Variants in MGAT4C observed in about 807,000 individuals in gnomAD.
MGAT4C encodes the protein alpha-1,3-mannosyl-glycoprotein 4-beta-N-acetylglucosaminyltransferase C.
A neutral mutation model predicts 40.1 loss-of-function variants in MGAT4C; 19 were observed. That is an observed-to-expected ratio of 0.47 (90% CI 0.33 to 0.70). MGAT4C has a LOEUF of 0.70. Ranked by LOEUF, MGAT4C falls within the 30% of genes least tolerant of loss-of-function variation. The pLI is 0.02. For synonymous variants in MGAT4C, 181 were observed against 187.1 expected, an observed-to-expected ratio of 0.97 and a Z score of 0.27; for missense variants, 491 against 563.2, an observed-to-expected ratio of 0.87 and a Z score of 1.30.
chr12:86,476,110 A>C (rs970923037), intron 2 of MGAT4C, among the ~76,000 whole-genome samples: 2 of 152,148 alleles, frequency 1.3e-5, no homozygotes, highest in Non-Finnish European at 2.9e-5. Flanking sequence ...TCAAATTTTC[A>C]GTATAAAATA....
rs1679434046 is a variant in MGAT4C, at chr12:85,960,642, G to T, written c.*18647C>A. The stretch of plus-strand genomic sequence containing the variant: ...GAATGGGTTGCATTATCCTCTCCTT[G>T]GAAATATCTTTCAAAGTGGGTAATG... On this transcript the variant is annotated 3_prime_UTR_variant, in exon 5 of 5. Transcript: ENST00000611864. The T allele has an allele frequency of 6.6e-6, 1 of 151,768 alleles. No homozygotes were observed. Among genetic ancestry groups the T allele is most frequent in the South Asian group, 2.1e-4 (1 of 4,816 alleles). The allele number at this position is 151,768 out of a possible 1,614,324, so 9.4% of individuals were successfully genotyped here.
intron 2 of MGAT4C, among the ~76,000 whole-genome samples, chr12:86,497,397 A>T (rs1034712455): frequency 6.6e-6 from 1 of 151,970 alleles, no homozygotes; most frequent in Non-Finnish European, 1.5e-5. Context: ...ATTTTACAGC[A>T]TAGTACTTGA....
intron 1 of MGAT4C, among the ~76,000 whole-genome samples, chr12:86,157,471 T>A (rs1885091017): frequency 6.6e-6 from 1 of 152,204 alleles, no homozygotes; most frequent in Non-Finnish European, 1.5e-5. Flanking sequence ...TTCACCACAT[T>A]TTTAATATGC....
At chr12:86,398,465 T>C (rs1565732229) in intron 3 of MGAT4C, among the ~76,000 whole-genome samples, 1 of 152,164 alleles carries the variant, frequency 6.6e-6, no homozygotes, top group Non-Finnish European at 1.5e-5. Flanking sequence ...GATAAGAACT[T>C]GATCATATAC....
At chr12:86,618,886 C>T (rs1565886741) in intron 2 of MGAT4C, among the ~76,000 whole-genome samples, 1 of 152,076 alleles carries the variant, frequency 6.6e-6, no homozygotes, top group Non-Finnish European at 1.5e-5. Flanking sequence ...AATACCCTGA[C>T]TTGATCATTA....
chr12:86,362,103 T>C (rs911458081), intron 3 of MGAT4C, among the ~76,000 whole-genome samples: 3 of 152,300 alleles, frequency 2.0e-5, no homozygotes, highest in Admixed American at 6.5e-5. Context: ...CCATCAATGA[T>C]AGACTGGATT....
intron 1 of MGAT4C, among the ~76,000 whole-genome samples, chr12:86,116,147 T>C (rs958469900): frequency 6.6e-6 from 1 of 151,574 alleles, no homozygotes; most frequent in African/African-American, 2.4e-5. Flanking sequence ...GATAATGCAA[T>C]TGAATTGATG....
chr12:86,029,918 AAC>A (rs1446511827), intron 2 of MGAT4C, among the ~76,000 whole-genome samples: 1 of 151,866 alleles, frequency 6.6e-6, no homozygotes, highest in Non-Finnish European at 1.5e-5. Context: ...ACAGTATAGA[AAC>A]AGTTATTTAA....
intron 2 of MGAT4C, among the ~76,000 whole-genome samples, chr12:86,510,534 A>T (rs1958556780): frequency 6.6e-6 from 1 of 152,200 alleles, no homozygotes; most frequent in Non-Finnish European, 1.5e-5. Context: ...CAATTAAAAG[A>T]CACAGACTGG....
At chr12:86,078,547 A>G (rs531118838) in intron 1 of MGAT4C, among the ~76,000 whole-genome samples, 1 of 152,334 alleles carries the variant, frequency 6.6e-6, no homozygotes, top group African/African-American at 2.4e-5. Flanking sequence ...GAAGAGGTCC[A>G]ATATAATTAA....
At position 86,044,666 on chromosome 12, in the gene MGAT4C, C is replaced by CTGA. The variant is rs1216777799; in HGVS notation, c.-7+5005_-7+5007dup. ...GCAGCAGCCGATCTGCTGGAGCTCT[C>CTGA]TGATGGTCAGGCACAGTCAGCTGTT... On this transcript the variant is annotated intron_variant, in intron 2 of 4. Coordinates refer to ENST00000611864, the MANE Select transcript of MGAT4C (RefSeq NM_001351288.2). Among the ~76,000 whole-genome samples, 7 of 152,208 alleles carry CTGA rather than the reference C, an allele frequency of 4.6e-5. No individual in the cohort carries two copies. The South Asian group carries it at 6.2e-4, about 14-fold the overall frequency.
intron 2 of MGAT4C, among the ~76,000 whole-genome samples, chr12:86,695,579 A>T (rs1950241474): frequency 6.6e-6 from 1 of 152,240 alleles, no homozygotes; most frequent in Non-Finnish European, 1.5e-5. Context: ...ATGGAGTACT[A>T]TTCATCCATA....
Position 85,978,529 on chromosome 12 carries a change from C to G in MGAT4C, c.*760G>C, listed in dbSNP as rs554130352. The G allele has an allele frequency of 1.9e-3, 285 of 151,342 alleles. 1 individual carries two copies. Among genetic ancestry groups the G allele is most frequent in the African/African-American group, 6.5e-3 (268 of 41,264 alleles). The allele number at this position is 151,342 out of a possible 1,614,324, so 9.4% of individuals were successfully genotyped here. ...TACTATAGGCCTTCCCTAATTTATTCTATTAAATGTGGGTACTCAATGTAA... is the reference window on the plus strand; with the variant it reads ...TACTATAGGCCTTCCCTAATTTATTGTATTAAATGTGGGTACTCAATGTAA... On this transcript the variant is annotated 3_prime_UTR_variant, in exon 5 of 5. Coordinates refer to ENST00000611864, the MANE Select transcript of MGAT4C (RefSeq NM_001351288.2).
chr12:86,379,687 G>C (rs1215823882), intron 3 of MGAT4C, among the ~76,000 whole-genome samples: 1 of 151,896 alleles, frequency 6.6e-6, no homozygotes. Context: ...ACTTTTTTTA[G>C]AAAAAGTTTA....
In MGAT4C at chr12:85,971,140, GATAT is replaced by G. The variant is rs916043989; in HGVS notation, c.*8145_*8148del. ...TAATTATTCATAAAAAATTAACATT[GATAT>G]ATATATTCATAAGGATAAAAGATAT... On this transcript the variant is annotated 3_prime_UTR_variant, in exon 5 of 5. Transcript: ENST00000611864. 6.6e-6 allele frequency: 1 copy of G among 150,824 alleles called. No homozygotes were observed. The highest frequency in any genetic ancestry group is 2.4e-5 in the African/African-American group (1 of 41,276). The allele number at this position is 150,824 out of a possible 1,614,324, so 9.3% of individuals were successfully genotyped here.
At chr12:86,310,724 C>T (rs1340966622) in intron 4 of MGAT4C, among the ~76,000 whole-genome samples, 2 of 151,992 alleles carry the variant, frequency 1.3e-5, no homozygotes, top group African/African-American at 4.8e-5. Flanking sequence ...GAGTTCGAAA[C>T]CAGCCTGGCC....
At chr12:86,738,871 GC>G (rs1393603549) in intron 1 of MGAT4C, among the ~76,000 whole-genome samples, 2 of 150,936 alleles carry the variant, frequency 1.3e-5, no homozygotes, top group East Asian at 3.9e-4. Context: ...GAACACAAAA[GC>G]CCGTTTATAT....
At chr12:86,159,968 T>C (rs189098683) in intron 1 of MGAT4C, among the ~76,000 whole-genome samples, 1 of 152,174 alleles carries the variant, frequency 6.6e-6, no homozygotes, top group East Asian at 1.9e-4. Context: ...ATATCAATCT[T>C]ATTTATTTAT....
rs377393122 is a variant in MGAT4C, at chr12:86,038,130, C to T, written c.-7+11544G>A. ...AAATAGGTGGTGAGAATGTGGGGGT[C>T]GAAAGGGCAAGTGCATGATCTACAG... On this transcript the variant is annotated intron_variant, in intron 2 of 4. Transcript: ENST00000611864. 1.9e-4 allele frequency among the ~76,000 whole-genome samples: 29 copies of T among 149,468 alleles called. 2 individuals are homozygous for T. Among genetic ancestry groups the T allele is most frequent in the Non-Finnish European group, 1.0e-4 (7 of 66,720 alleles).
Sources: allele counts gnomAD v4.1 joint callset (sites outside exome capture counted in the v4.1 genomes callset), GRCh38; gene constraint gnomAD v4.1.1; transcripts MANE v1.5; gene names NCBI Gene and HGNC (gene_info 2026-07-23, HGNC 2026-07-21).